The following RXRB variants were observed in gnomAD, a reference collection of about 807,000 sequenced individuals.
RXRB encodes the protein retinoic acid receptor RXR-beta.
A neutral mutation model predicts 52.5 loss-of-function variants in RXRB; 18 were observed. The observed-to-expected ratio is 0.34, with a 90% confidence interval of 0.24 to 0.51. The LOEUF (loss-of-function observed/expected upper bound fraction) is 0.51. Ranked by LOEUF, RXRB falls within the 20% of genes least tolerant of loss-of-function variation. The pLI, the probability that RXRB is intolerant of heterozygous loss-of-function variation, is 0.97. For synonymous variants in RXRB, 233 were observed against 267.1 expected (o/e 0.87, Z 1.25); for missense variants, 455 against 698.2 (o/e 0.65, Z 3.92).
chr6:33,196,361 G>T lies in RXRB; in HGVS notation c.993+73C>A. 2 of 1,408,268 alleles carry T rather than the reference G, an allele frequency of 1.4e-6. No homozygotes were observed. Among genetic ancestry groups the T allele is most frequent in the Non-Finnish European group, 2.0e-6 (2 of 993,830 alleles). The allele number at this position is 1,408,268 out of a possible 1,614,324, so 87.2% of individuals were successfully genotyped here. On this transcript the variant is annotated intron_variant, in intron 5 of 9. Transcript: ENST00000374680. This position sits in a 1 kb window ranked among gnomAD's most constrained non-coding sequence, Gnocchi z 4.0. ...GTTATGAGGGGAAAGGAGGGGGAGG[G>T]GATGTAGAACAGACCTAGACTGCCT...
In RXRB at chr6:33,195,874, G is replaced by A. The variant is rs778494948; in HGVS notation, c.1123+33C>T. On this transcript the variant is annotated intron_variant, in intron 6 of 9. Transcript: ENST00000374680. This position sits in a 1 kb window ranked among gnomAD's most constrained non-coding sequence, Gnocchi z 8.6. ...TCGGGAAGTCAAAGAGGGGTCAAAT[G>A]TCAAGAAGTCAAAGGGATCCAAGGT... The A allele has an allele frequency of 3.7e-5, 59 of 1,611,270 alleles. No individual in the cohort carries two copies. The highest frequency in any genetic ancestry group is 4.4e-5 in the Non-Finnish European group (52 of 1,179,762).
In RXRB at chr6:33,196,813, T is replaced by C. The variant is rs373475392; in HGVS notation, c.821-207A>G. On this transcript the variant is annotated intron_variant, in intron 4 of 9. Coordinates refer to ENST00000374680, the MANE Select transcript of RXRB (RefSeq NM_021976.5). This position sits in a 1 kb window ranked among gnomAD's most constrained non-coding sequence, Gnocchi z 4.0. ...GGTAAGTCAGTCGGGAAGGGTGAGG[T>C]AGGTAAAAGAATTAGGGAGGAATTT... 6.6e-6 allele frequency among the ~76,000 whole-genome samples: 1 copy of C among 151,582 alleles called. No homozygotes were observed.
rs1322961971 is a variant in RXRB at position 33,196,736 on chromosome 6, A to G, written c.821-130T>C. ...GATATTTATAGGAATTGGGGAAGTC[A>G]CTAGAAAGGGTGGACTGGGGGCAGC... On this transcript the variant is annotated intron_variant, in intron 4 of 9. Coordinates refer to ENST00000374680, the MANE Select transcript of RXRB (RefSeq NM_021976.5). This position sits in a 1 kb window ranked among gnomAD's most constrained non-coding sequence, Gnocchi z 4.0. 1 of 852,342 alleles carries G rather than the reference A, an allele frequency of 1.2e-6. No individual in the cohort carries two copies. The highest frequency in any genetic ancestry group is 1.8e-6 in the Non-Finnish European group (1 of 560,744). 52.8% of individuals were successfully genotyped at this position (852,342 alleles called of 1,614,324 possible).
Position 33,197,269 on chromosome 6 carries a change from G to C in RXRB, c.820+493C>G, listed in dbSNP as rs1449741346. Among the ~76,000 whole-genome samples the C allele has an allele frequency of 1.3e-5, 2 of 152,206 alleles. No homozygotes were observed. Among genetic ancestry groups the C allele is most frequent in the East Asian group, 3.8e-4 (2 of 5,196 alleles). On this transcript the variant is annotated intron_variant, in intron 4 of 9. Transcript: ENST00000374680. The surrounding 1 kb of genome is among the most constrained non-coding windows in gnomAD (Gnocchi z 4.4). ...TCTCTAAAGTGGGTGTTTTGACCAA[G>C]ATATGCTCTAAAGTGTCTCTCAGAA...
rs1324026728 is a variant in RXRB at position 33,194,475 on chromosome 6, G to A, written c.*207C>T. ...CAGAGACTCAAGGCCACCGAAGAGA[G>A]ACAACCAGTCCTCACAGGTATCTGG... On this transcript the variant is annotated 3_prime_UTR_variant, in exon 10 of 10. Transcript: ENST00000374680. This position sits in a 1 kb window ranked among gnomAD's most constrained non-coding sequence, Gnocchi z 4.1. 3.7e-6 allele frequency: 2 copies of A among 543,756 alleles called. No homozygotes were observed. Among genetic ancestry groups the A allele is most frequent in the East Asian group, 3.0e-5 (1 of 33,310 alleles). 33.7% of individuals were successfully genotyped at this position (543,756 alleles called of 1,614,324 possible).
Position 33,197,729 on chromosome 6 carries a change from G to C in RXRB, c.820+33C>G, listed in dbSNP as rs1454058027. On this transcript the variant is annotated intron_variant, in intron 4 of 9. Transcript: ENST00000374680. The surrounding 1 kb of genome is among the most constrained non-coding windows in gnomAD (Gnocchi z 4.4). ...AGTGGGATAAGGGAGAAGGGCATGTGGTCTAAGACGCCTGGGCAGGGCGGG... is the reference window on the plus strand; with the variant it reads ...AGTGGGATAAGGGAGAAGGGCATGTCGTCTAAGACGCCTGGGCAGGGCGGG... 1 of 1,606,562 alleles carries C rather than the reference G, an allele frequency of 6.2e-7. No individual in the cohort carries two copies. Among genetic ancestry groups the C allele is most frequent in the East Asian group, 2.2e-5 (1 of 44,836 alleles).
In RXRB at chr6:33,194,024, A is replaced by T. The variant is rs1225124804; in HGVS notation, c.*658T>A. ...CCTGGGAAAGTACAGTACTTCTTTG[A>T]GTCTAACTGCAAGTCTCTATCCTCA... On this transcript the variant is annotated 3_prime_UTR_variant, in exon 10 of 10. Coordinates refer to ENST00000374680, the MANE Select transcript of RXRB (RefSeq NM_021976.5). The surrounding 1 kb of genome is among the most constrained non-coding windows in gnomAD (Gnocchi z 4.1). 6.6e-6 allele frequency: 1 copy of T among 152,230 alleles called. No homozygotes were observed. Among genetic ancestry groups the T allele is most frequent in the African/African-American group, 2.4e-5 (1 of 41,430 alleles). The allele number at this position is 152,230 out of a possible 1,614,324, so 9.4% of individuals were successfully genotyped here.
At position 33,200,022 on chromosome 6, in the gene RXRB, G is replaced by C; in HGVS notation, c.235+220C>G. ...TGCCCTTCCCAGGCCCGCGACCTCC[G>C]GTGCCCAAGGCCTCAAGCGGTCACA... On this transcript the variant is annotated intron_variant, in intron 1 of 9. Coordinates refer to ENST00000374680, the MANE Select transcript of RXRB (RefSeq NM_021976.5). This position sits in a 1 kb window ranked among gnomAD's most constrained non-coding sequence, Gnocchi z 6.3. 1 of 795,530 alleles carries C rather than the reference G, an allele frequency of 1.3e-6. No homozygotes were observed. Among genetic ancestry groups the C allele is most frequent in the Non-Finnish European group, 2.2e-6 (1 of 446,484 alleles). The allele number at this position is 795,530 out of a possible 1,614,324, so 49.3% of individuals were successfully genotyped here.
In RXRB at chr6:33,200,286, T is replaced by C; in HGVS notation, c.191A>G (p.Glu64Gly). ...CCCGTCCCGTCCAGCCTCCCCTGGC[T>C]CCGGCTCCGGGGTTTGTTGTTCTCC... The part of the protein sequence containing the change: ...AGGEQQTPEP[E>G]PGEAGRDGMG... Residue 64 changes from glutamate (E) to glycine (G), a missense_variant, in exon 1 of 10, where the codon GAG becomes GGG. Physicochemically the swap from Glu to Gly is moderately conservative, Grantham distance 98. This residue lies in a region of RXRB where 225 missense variants were observed against 258.6 expected (regional missense o/e 0.87). Transcript: ENST00000374680. This position sits in a 1 kb window ranked among gnomAD's most constrained non-coding sequence, Gnocchi z 6.3. The C allele has an allele frequency of 2.5e-6, 4 of 1,605,426 alleles. No homozygotes were observed. In the South Asian group the frequency reaches 4.4e-5, roughly 18 times the overall value.
Position 33,196,288 on chromosome 6 carries a change from G to A in RXRB, c.993+146C>T, listed in dbSNP as rs1773888103. The A allele has an allele frequency of 2.0e-6, 2 of 1,008,432 alleles. No individual in the cohort carries two copies. The highest frequency in any genetic ancestry group is 3.1e-6 in the Non-Finnish European group (2 of 638,470). The allele number at this position is 1,008,432 out of a possible 1,614,324, so 62.5% of individuals were successfully genotyped here. ...GCTATCACATCCACCTCAGATGTTT[G>A]AAAGACCTTGTTTGGCAGCACCTCC... On this transcript the variant is annotated intron_variant, in intron 5 of 9. Coordinates refer to ENST00000374680, the MANE Select transcript of RXRB (RefSeq NM_021976.5). The surrounding 1 kb of genome is among the most constrained non-coding windows in gnomAD (Gnocchi z 4.0).
rs1048364399 is a variant in RXRB, at chr6:33,200,092, G to A, written c.235+150C>T. The A allele has an allele frequency of 1.3e-5, 15 of 1,135,926 alleles. No individual in the cohort carries two copies. Among genetic ancestry groups the A allele is most frequent in the Non-Finnish European group, 1.8e-5 (14 of 757,582 alleles). 70.4% of individuals were successfully genotyped at this position (1,135,926 alleles called of 1,614,324 possible). On this transcript the variant is annotated intron_variant, in intron 1 of 9. Coordinates refer to ENST00000374680, the MANE Select transcript of RXRB (RefSeq NM_021976.5). The surrounding 1 kb of genome is among the most constrained non-coding windows in gnomAD (Gnocchi z 6.3). ...CCCTTCCCCGCCCCGCCCCGGGGGGGAGGGTGCTAAGGCCCTCGGGAGGGA... is the reference window on the plus strand; with the variant it reads ...CCCTTCCCCGCCCCGCCCCGGGGGGAAGGGTGCTAAGGCCCTCGGGAGGGA...
Position 33,198,292 on chromosome 6 carries a change from C to T in RXRB, c.640+16G>A, listed in dbSNP as rs1415898134. The T allele has an allele frequency of 1.2e-6, 2 of 1,612,850 alleles. No individual in the cohort carries two copies. Among genetic ancestry groups the T allele is most frequent in the Non-Finnish European group, 1.7e-6 (2 of 1,179,940 alleles). On this transcript the variant is annotated intron_variant, in intron 3 of 9. Coordinates refer to ENST00000374680, the MANE Select transcript of RXRB (RefSeq NM_021976.5). ...GCCCAGACTCTCCCTCTCTGTTCAT[C>T]CTCTGAGCCACATACCTGAGCTTCT...
Position 33,196,408 on chromosome 6 carries a change from G to T in RXRB, c.993+26C>A, listed in dbSNP as rs1773900252. On this transcript the variant is annotated intron_variant, in intron 5 of 9. Coordinates refer to ENST00000374680, the MANE Select transcript of RXRB (RefSeq NM_021976.5). The surrounding 1 kb of genome is among the most constrained non-coding windows in gnomAD (Gnocchi z 4.0). ...GCCTCCCCCAACCCCCATCACGAAG[G>T]AGAGTGGATTGACCCCAACACTCAC... 6.2e-7 allele frequency: 1 copy of T among 1,610,072 alleles called. No homozygotes were observed. Among genetic ancestry groups the T allele is most frequent in the Non-Finnish European group, 8.5e-7 (1 of 1,177,426 alleles).
rs149273246 is a variant in RXRB, at chr6:33,194,937, C to T, written c.1454+8G>A. ...AGGGAGCCTCAGTGCCCCCCAGCCC[C>T]ATCTCACCGTCCCTGCTGCTCAGGG... On this transcript the variant is annotated splice_region_variant and intron_variant, in intron 9 of 9. Coordinates refer to ENST00000374680, the MANE Select transcript of RXRB (RefSeq NM_021976.5). The surrounding 1 kb of genome is among the most constrained non-coding windows in gnomAD (Gnocchi z 4.1). 4.8e-5 allele frequency: 78 copies of T among 1,612,266 alleles called. No individual in the cohort carries two copies. In the East Asian group the frequency reaches 1.6e-3, roughly 34 times the overall value.
Position 33,200,147 on chromosome 6 carries a change from G to A in RXRB, c.235+95C>T, listed in dbSNP as rs1774354515. 2.7e-6 allele frequency: 4 copies of A among 1,503,372 alleles called. No individual in the cohort carries two copies. The highest frequency in any genetic ancestry group is 3.6e-6 in the Non-Finnish European group (4 of 1,095,934). The allele number at this position is 1,503,372 out of a possible 1,614,324, so 93.1% of individuals were successfully genotyped here. On this transcript the variant is annotated intron_variant, in intron 1 of 9. Coordinates refer to ENST00000374680, the MANE Select transcript of RXRB (RefSeq NM_021976.5). The surrounding 1 kb of genome is among the most constrained non-coding windows in gnomAD (Gnocchi z 6.3). ...ACGCGTGTTTACAAACAAGGGGGCG[G>A]GAGCGCAAGGAAAAGAGCACCGGGG...
At chr6:33,199,962 T>C (rs200861247) in intron 1 of RXRB, 17 of 748,210 alleles carry the variant, frequency 2.3e-5, no homozygotes, top group Admixed American at 8.5e-5. Context: ...GATCTGCCTG[T>C]AAACGCCCAA....
In RXRB at chr6:33,199,436, A is replaced by C; in HGVS notation, c.236-20T>G. ...GGGAGTCTGAGGGAGGGGTATGTAC[A>C]GGCACACAGACACACAAGAGACAGA... On this transcript the variant is annotated intron_variant, in intron 1 of 9. Coordinates refer to ENST00000374680, the MANE Select transcript of RXRB (RefSeq NM_021976.5). The C allele has an allele frequency of 2.4e-6, 3 of 1,260,984 alleles. No homozygotes were observed. The highest frequency in any genetic ancestry group is 2.0e-6 in the Non-Finnish European group (2 of 994,280). The allele number at this position is 1,260,984 out of a possible 1,614,324, so 78.1% of individuals were successfully genotyped here.
Position 33,200,239 on chromosome 6 carries a change from C to T in RXRB, c.235+3G>A, listed in dbSNP as rs1439828324. On this transcript the variant is annotated splice_donor_region_variant and intron_variant, in intron 1 of 9. Transcript: ENST00000374680. This position sits in a 1 kb window ranked among gnomAD's most constrained non-coding sequence, Gnocchi z 6.3. ...TCGCCTGCCCTTCTGCTGGGGCACT[C>T]ACCCCGCCCGCTGTCGCCCATCCCG... is the stretch of plus-strand genomic sequence containing the variant. 1 of 1,605,772 alleles carries T rather than the reference C, an allele frequency of 6.2e-7. No individual in the cohort carries two copies. The highest frequency in any genetic ancestry group is 8.5e-7 in the Non-Finnish European group (1 of 1,177,684).
Position 33,196,757 on chromosome 6 carries a change from G to C in RXRB, c.821-151C>G, listed in dbSNP as rs1448490202. 2 of 699,756 alleles carry C rather than the reference G, an allele frequency of 2.9e-6. No individual in the cohort carries two copies. The highest frequency in any genetic ancestry group is 4.6e-6 in the Non-Finnish European group (2 of 433,030). 43.3% of individuals were successfully genotyped at this position (699,756 alleles called of 1,614,324 possible). A position where few individuals can be genotyped will look rare whatever the true frequency, so the allele number is the denominator to read the frequency against. On this transcript the variant is annotated intron_variant, in intron 4 of 9. Coordinates refer to ENST00000374680, the MANE Select transcript of RXRB (RefSeq NM_021976.5). The surrounding 1 kb of genome is among the most constrained non-coding windows in gnomAD (Gnocchi z 4.0). Reference sequence around the variant, plus strand: ...AGTCACTAGAAAGGGTGGACTGGGGGCAGCCCTGAAGGAAGGGTTATAAAA... The same window carrying C: ...AGTCACTAGAAAGGGTGGACTGGGGCCAGCCCTGAAGGAAGGGTTATAAAA...
Sources: gnomAD v4.1 joint callset for allele counts (sites outside exome capture counted in the v4.1 genomes callset) on GRCh38, gnomAD v4.1.1 for gene constraint, gnomAD v4.1.1 regional missense constraint, Gnocchi (gnomAD v3.1) non-coding constraint, MANE v1.5 for transcripts, NCBI Gene and HGNC (gene_info 2026-07-23, HGNC 2026-07-21) for gene names.